Variants in RBFOX1 observed in about 807,000 individuals in gnomAD.
RBFOX1 encodes the protein RNA binding protein fox-1 homolog 1.
In RBFOX1, 8 loss-of-function variants were observed where a neutral mutation model predicts 57.7. The ratio of observed to expected loss-of-function variants is 0.14; its 90% confidence interval spans 0.08 to 0.25. The LOEUF is 0.25. Among genes scored for constraint, RBFOX1 ranks in the 10% least tolerant of loss-of-function variants. RBFOX1 has a pLI of 1.00. For synonymous variants in RBFOX1, 326 were observed against 222.4 expected, an observed-to-expected ratio of 1.47 and a Z score of -4.15; for missense variants, 611 against 548.5, an observed-to-expected ratio of 1.11 and a Z score of -1.14.
At chr16:6,635,881 T>A (rs2098427054) in intron 2 of RBFOX1, among the ~76,000 whole-genome samples, 1 of 152,126 alleles carries the variant, frequency 6.6e-6, no homozygotes, top group Non-Finnish European at 1.5e-5. Context: ...CCAGAGGTAT[T>A]TTGGATTTCA....
At chr16:7,354,031 G>A (rs931818852) in intron 4 of RBFOX1, among the ~76,000 whole-genome samples, 1 of 152,104 alleles carries the variant, frequency 6.6e-6, no homozygotes, top group African/African-American at 2.4e-5. Flanking sequence ...GAGTGCAGTG[G>A]CATGATCTGG....
intron 4 of RBFOX1, among the ~76,000 whole-genome samples, chr16:7,317,533 T>C (rs576801251): frequency 2.1e-3 from 322 of 152,102 alleles, no homozygotes; most frequent in African/African-American, 7.3e-3. Flanking sequence ...CATGTATGAG[T>C]TGGTAGCAGT....
chr16:5,308,068 A>C (rs1466262942), intron 1 of RBFOX1, among the ~76,000 whole-genome samples: 4 of 152,196 alleles, frequency 2.6e-5, no homozygotes, highest in Non-Finnish European at 5.9e-5. Context: ...GGCCAGGTGT[A>C]GTGGCTCACG....
At chr16:5,296,752 C>T (rs1371065131) in intron 1 of RBFOX1, among the ~76,000 whole-genome samples, 1 of 151,552 alleles carries the variant, frequency 6.6e-6, no homozygotes, top group Non-Finnish European at 1.5e-5. Context: ...GATCCTGCCT[C>T]ACTGTAACCT....
At chr16:7,089,480 G>C (rs1279638090) in intron 4 of RBFOX1, among the ~76,000 whole-genome samples, 1 of 152,078 alleles carries the variant, frequency 6.6e-6, no homozygotes, top group South Asian at 2.1e-4. Flanking sequence ...TCATGGAAAG[G>C]AGCCTTTTTG....
intron 4 of RBFOX1, among the ~76,000 whole-genome samples, chr16:7,355,670 C>G (rs146067593): frequency 3.3e-4 from 51 of 152,334 alleles, no homozygotes; most frequent in African/African-American, 1.2e-3. Context: ...GCACACAATT[C>G]TATAAACAGT....
intron 4 of RBFOX1, among the ~76,000 whole-genome samples, chr16:7,485,281 T>C (rs1054845772): frequency 4.5e-4 from 68 of 152,232 alleles, no homozygotes; most frequent in African/African-American, 1.6e-3. Flanking sequence ...TTTTCCCTCA[T>C]GTTTCCAGGC....
chr16:6,240,181 A>G (rs979969690), intron 1 of RBFOX1, among the ~76,000 whole-genome samples: 13 of 152,158 alleles, frequency 8.5e-5, no homozygotes, highest in African/African-American at 3.1e-4. Context: ...AGCCAAACAG[A>G]TGAGAGTGCC....
intron 2 of RBFOX1, among the ~76,000 whole-genome samples, chr16:5,570,723 C>T (rs2046252459): frequency 6.6e-6 from 1 of 151,780 alleles, no homozygotes. Context: ...ACCTGTAATC[C>T]CAGTTACTCG....
chr16:5,832,274 A>G (rs1008198754), intron 3 of RBFOX1, among the ~76,000 whole-genome samples: 2 of 152,220 alleles, frequency 1.3e-5, no homozygotes, highest in African/African-American at 4.8e-5. Context: ...CTGTGGAAGT[A>G]GTTCTTTACC....
At chr16:6,908,301 G>T (rs1219302552) in intron 3 of RBFOX1, among the ~76,000 whole-genome samples, 10 of 151,642 alleles carry the variant, frequency 6.6e-5, no homozygotes, top group Admixed American at 5.9e-4. Context: ...TGCACCCCCA[G>T]CCTCTGACCA....
intron 1 of RBFOX1, among the ~76,000 whole-genome samples, chr16:6,291,716 TTC>T (rs2077485262): frequency 1.3e-5 from 2 of 152,240 alleles, no homozygotes; most frequent in South Asian, 4.1e-4. Context: ...AATAATTATT[TTC>T]TCTTATCCTC....
intron 3 of RBFOX1, among the ~76,000 whole-genome samples, chr16:6,667,240 G>A (rs2098738654): frequency 6.6e-6 from 1 of 152,116 alleles, no homozygotes; most frequent in South Asian, 2.1e-4. Context: ...GGCACCCTCA[G>A]CAGTGCCATG....
chr16:6,245,190 C>G (rs2097562375), intron 1 of RBFOX1, among the ~76,000 whole-genome samples: 1 of 152,106 alleles, frequency 6.6e-6, no homozygotes, highest in Non-Finnish European at 1.5e-5. Flanking sequence ...TTTTTAACCT[C>G]TATTTCTTTG....
chr16:7,479,279 A>C (rs1189383023), intron 4 of RBFOX1, among the ~76,000 whole-genome samples: 1 of 151,954 alleles, frequency 6.6e-6, no homozygotes. Flanking sequence ...ATGCACCACC[A>C]CACTGGCTAA....
chr16:5,532,892 C>G (rs1054424979), intron 2 of RBFOX1, among the ~76,000 whole-genome samples: 3 of 152,094 alleles, frequency 2.0e-5, no homozygotes, highest in African/African-American at 4.8e-5. Context: ...CCTGGAGACC[C>G]TGATGGAGAT....
chr16:5,803,291 G>C (rs2055117860), intron 3 of RBFOX1, among the ~76,000 whole-genome samples: 1 of 152,154 alleles, frequency 6.6e-6, no homozygotes. Flanking sequence ...CAGGCTCTAA[G>C]AGTTCCTTTG....
chr16:7,130,206 G>A (rs544111545), intron 4 of RBFOX1, among the ~76,000 whole-genome samples: 1 of 151,884 alleles, frequency 6.6e-6, no homozygotes, highest in East Asian at 1.9e-4. Flanking sequence ...GCTAATTTTT[G>A]TATTTTTGGT....
chr16:5,740,834 C>G (rs112274154), intron 3 of RBFOX1, among the ~76,000 whole-genome samples: 1 of 152,050 alleles, frequency 6.6e-6, no homozygotes, highest in African/African-American at 2.4e-5. Flanking sequence ...TGTGGCGTCT[C>G]CTTGTCTCTG....
Sources: gnomAD v4.1 joint callset for allele counts (sites outside exome capture counted in the v4.1 genomes callset) on GRCh38, gnomAD v4.1.1 for gene constraint, MANE v1.5 for transcripts, NCBI Gene and HGNC (gene_info 2026-07-23, HGNC 2026-07-21) for gene names.